TMC1: variants seen among roughly 807,000 people sequenced by gnomAD.
The protein encoded by TMC1 is transmembrane channel like 1.
TMC1 carries 84 observed loss-of-function variants against 105.8 expected under a neutral mutation model. The observed-to-expected ratio is 0.79, with a 90% confidence interval of 0.67 to 0.95. The LOEUF is 0.95. Among genes scored for constraint, TMC1 ranks in the 40% least tolerant of loss-of-function variants. TMC1 has a pLI of 0.00. For missense variants in TMC1, 817 were observed against 914.1 expected (o/e 0.89, Z 1.37); for synonymous variants, 315 against 311.5 (o/e 1.01, Z -0.12).
In TMC1 at chr9:72,669,037, G is replaced by T. The variant is rs183980823; in HGVS notation, c.17-19672G>T. ...AAAGATAATACAGCTGGGTGCAGTGGCTCACGCTTGTAATCCCAGCACTTT... is the reference window on the plus strand; with the variant it reads ...AAAGATAATACAGCTGGGTGCAGTGTCTCACGCTTGTAATCCCAGCACTTT... On this transcript the variant is annotated intron_variant, in intron 5 of 23. Transcript: ENST00000297784. Among the ~76,000 whole-genome samples, 675 of 152,306 alleles carry T rather than the reference G, an allele frequency of 4.4e-3. 4 individuals are homozygous for T. Among genetic ancestry groups the T allele is most frequent in the African/African-American group, 0.016 (648 of 41,558 alleles).
At chr9:72,580,441 A>T (rs1038450737) in intron 2 of TMC1, among the ~76,000 whole-genome samples, 3 of 152,142 alleles carry the variant, frequency 2.0e-5, no homozygotes, top group African/African-American at 7.2e-5. Context: ...CAGGGATCCA[A>T]CCTGGCTTTG....
chr9:72,782,745 A>G (rs917074377), intron 13 of TMC1, among the ~76,000 whole-genome samples: 4 of 152,208 alleles, frequency 2.6e-5, no homozygotes, highest in Non-Finnish European at 5.9e-5. Context: ...GAGGTGAAAG[A>G]TCTCTACAAT....
intron 17 of TMC1, among the ~76,000 whole-genome samples, chr9:72,799,538 T>C (rs1828434417): frequency 6.6e-6 from 1 of 152,170 alleles, no homozygotes; most frequent in Non-Finnish European, 1.5e-5. Flanking sequence ...TATGGTATAA[T>C]TGAAAATTCT....
intron 1 of TMC1, among the ~76,000 whole-genome samples, chr9:72,563,279 G>T (rs1824089825): frequency 1.3e-5 from 2 of 152,132 alleles, no homozygotes; most frequent in South Asian, 2.1e-4. Flanking sequence ...GCCATATTTA[G>T]GCAATAGGGA....
At chr9:72,829,115 T>C (rs141911128) in intron 21 of TMC1, among the ~76,000 whole-genome samples, 114 of 152,246 alleles carry the variant, frequency 7.5e-4, no homozygotes, top group African/African-American at 2.6e-3. Flanking sequence ...AAACCCAGAT[T>C]TTAGCTTATT....
chr9:72,575,688 G>A (rs527455452), intron 1 of TMC1, among the ~76,000 whole-genome samples: 95 of 152,154 alleles, frequency 6.2e-4, no homozygotes, highest in Admixed American at 2.5e-3. Context: ...AAACAAAGAA[G>A]CCTCATATGA....
At chr9:72,645,619 A>C (rs1825697681) in intron 4 of TMC1, among the ~76,000 whole-genome samples, 1 of 152,156 alleles carries the variant, frequency 6.6e-6, no homozygotes, top group South Asian at 2.1e-4. Context: ...TAGCAGAAAA[A>C]CGTCTGGCAA....
intron 19 of TMC1, among the ~76,000 whole-genome samples, chr9:72,818,077 A>T (rs970791414): frequency 1.3e-5 from 2 of 152,152 alleles, no homozygotes; most frequent in African/African-American, 4.8e-5. Context: ...GGTGTGGGGC[A>T]GGTGTAATGT....
At chr9:72,769,714 C>T (rs573195915) in intron 12 of TMC1, among the ~76,000 whole-genome samples, 1 of 152,282 alleles carries the variant, frequency 6.6e-6, no homozygotes, top group Admixed American at 6.5e-5. Context: ...TTGGCAAGTG[C>T]TAAATGTTCA....
At chr9:72,763,195 G>T (rs1401469527) in intron 12 of TMC1, among the ~76,000 whole-genome samples, 1 of 151,268 alleles carries the variant, frequency 6.6e-6, no homozygotes, top group African/African-American at 2.4e-5. Flanking sequence ...CAAATATTAG[G>T]GATGCATATG....
intron 18 of TMC1, 139 bp from the exon 19 acceptor site, chr9:72,816,004 G>T: frequency 2.7e-6 from 2 of 748,032 alleles, no homozygotes; most frequent in Non-Finnish European, 4.8e-6. Context: ...TTTATATCTG[G>T]TTACTTATCC....
intron 1 of TMC1, among the ~76,000 whole-genome samples, chr9:72,564,146 C>T (rs894158494): frequency 1.3e-5 from 2 of 152,074 alleles, no homozygotes; most frequent in Non-Finnish European, 2.9e-5. Context: ...TATATTTTTA[C>T]CAATGCCATT....
chr9:72,723,882 G>T (rs73478814), intron 8 of TMC1, among the ~76,000 whole-genome samples: 2,683 of 152,118 alleles, frequency 0.018, 47 homozygotes, highest in African/African-American at 0.057. Context: ...CCTTAGTTTG[G>T]CAGGCTTTTC....
chr9:72,805,239 G>A, intron 17 of TMC1, 143 bp from the exon 18 acceptor site: 1 of 690,004 alleles, frequency 1.4e-6, no homozygotes, highest in East Asian at 2.8e-5. Context: ...TTATTTACTT[G>A]ATATGACTAG....
At chr9:72,538,451 T>TGTATTGTATTG (rs1564397043) in intron 1 of TMC1, among the ~76,000 whole-genome samples, 1 of 146,944 alleles carries the variant, frequency 6.8e-6, no homozygotes, top group Non-Finnish European at 1.5e-5. Context: ...TGTATCGTAT[T>TGTATTGTATTG]TTTGAGACAG....
chr9:72,662,185 C>CT (rs1213271935), intron 5 of TMC1, among the ~76,000 whole-genome samples: 1 of 139,306 alleles, frequency 7.2e-6, no homozygotes, highest in Non-Finnish European at 1.5e-5. Context: ...TTTTCTTTTT[C>CT]TTTTTCTTTT....
chr9:72,750,973 A>G (rs1401576167), intron 10 of TMC1, among the ~76,000 whole-genome samples: 1 of 152,076 alleles, frequency 6.6e-6, no homozygotes, highest in African/African-American at 2.4e-5. Context: ...TTTTCTTCAA[A>G]CTTCAGATCT....
chr9:72,725,018 T>C (rs1395559236), intron 8 of TMC1, among the ~76,000 whole-genome samples: 1 of 152,018 alleles, frequency 6.6e-6, no homozygotes, highest in Non-Finnish European at 1.5e-5. Context: ...GAGAAATGTG[T>C]CCTTGCTGTT....
chr9:72,705,202 A>G (rs1826718162), intron 8 of TMC1, among the ~76,000 whole-genome samples: 1 of 152,172 alleles, frequency 6.6e-6, no homozygotes, highest in African/African-American at 2.4e-5. Context: ...TAACAGGTCT[A>G]CTTATTACTT....
Sources: gnomAD v4.1 joint callset for allele counts (sites outside exome capture counted in the v4.1 genomes callset) on GRCh38, gnomAD v4.1.1 for gene constraint, MANE v1.5 for transcripts, NCBI Gene and HGNC (gene_info 2026-07-23, HGNC 2026-07-21) for gene names.